The following GABBR2 variants were observed in gnomAD, a reference collection of about 807,000 sequenced individuals.
GABBR2 encodes the protein G-protein coupled receptor 51.
In GABBR2, 23 loss-of-function variants were observed where a neutral mutation model predicts 105.6. The ratio of observed to expected loss-of-function variants is 0.22; its 90% CI spans 0.16 to 0.31. GABBR2 has a LOEUF of 0.31. GABBR2 is among the 10% of genes least tolerant of loss of function. The pLI is 1.00. For missense variants in GABBR2, 734 were observed against 1,245.5 expected (o/e 0.59, Z 6.18); for synonymous variants, 478 against 499.7 (o/e 0.96, Z 0.58).
chr9:98,467,415 T>C (rs1033438404), intron 6 of GABBR2, among the ~76,000 whole-genome samples: 4 of 152,006 alleles, frequency 2.6e-5, no homozygotes, highest in African/African-American at 9.7e-5. Flanking sequence ...GTGTCATGAG[T>C]GCCTAGGGGA....
intron 2 of GABBR2, among the ~76,000 whole-genome samples, chr9:98,569,246 T>C (rs1828792092): frequency 6.6e-6 from 1 of 152,132 alleles, no homozygotes; most frequent in Admixed American, 6.5e-5. Flanking sequence ...TGGAAGGGTG[T>C]GGCAGTCACA....
chr9:98,403,293 CAA>C (rs546167489), intron 8 of GABBR2, among the ~76,000 whole-genome samples: 5,313 of 85,926 alleles, frequency 0.062, 145 homozygotes, highest in African/African-American at 0.17. Context: ...GACTCCGTCT[CAA>C]AAAAAAAAAA....
At chr9:98,582,607 T>A (rs1315296828) in intron 1 of GABBR2, among the ~76,000 whole-genome samples, 1 of 152,138 alleles carries the variant, frequency 6.6e-6, no homozygotes, top group Non-Finnish European at 1.5e-5. Context: ...TACACTCAGG[T>A]AAAATGTGAA....
At chr9:98,556,607 A>G (rs552289506) in intron 2 of GABBR2, among the ~76,000 whole-genome samples, 5 of 152,260 alleles carry the variant, frequency 3.3e-5, no homozygotes, top group Admixed American at 2.6e-4. Context: ...CCCGGAAGTG[A>G]GTGCCGCTGT....
chr9:98,334,508 G>T (rs1216977637), intron 13 of GABBR2, among the ~76,000 whole-genome samples: 2 of 152,182 alleles, frequency 1.3e-5, no homozygotes, highest in Non-Finnish European at 2.9e-5. Flanking sequence ...ATGTCAAGGT[G>T]CTTTGTGAAC....
intron 15 of GABBR2, among the ~76,000 whole-genome samples, chr9:98,305,126 A>C (rs1830531017): frequency 6.6e-6 from 1 of 151,768 alleles, no homozygotes; most frequent in African/African-American, 2.4e-5. Context: ...AACACAGATC[A>C]CCCTACTGCA....
intron 2 of GABBR2, among the ~76,000 whole-genome samples, chr9:98,559,601 A>G (rs1828636442): frequency 6.6e-6 from 1 of 152,150 alleles, no homozygotes. Flanking sequence ...GCTCTTTTAA[A>G]TCAAGTTCAT....
chr9:98,421,852 G>T (rs527779544), intron 7 of GABBR2, among the ~76,000 whole-genome samples: 1 of 152,172 alleles, frequency 6.6e-6, no homozygotes, highest in African/African-American at 2.4e-5. Context: ...CCAAGTAAAG[G>T]TTTAAATGAG....
chr9:98,574,412 C>G (rs997274003), intron 2 of GABBR2, among the ~76,000 whole-genome samples: 1 of 152,174 alleles, frequency 6.6e-6, no homozygotes, highest in Non-Finnish European at 1.5e-5. Flanking sequence ...TCAGGCAGCC[C>G]TATGGAGACC....
At chr9:98,337,688 G>C (rs746561437) in intron 13 of GABBR2, among the ~76,000 whole-genome samples, 2 of 152,178 alleles carry the variant, frequency 1.3e-5, no homozygotes, top group Non-Finnish European at 2.9e-5. Context: ...CACATCCATG[G>C]TCAGCTGATT....
At chr9:98,681,923 T>C (rs906301888) in intron 1 of GABBR2, among the ~76,000 whole-genome samples, 1 of 152,140 alleles carries the variant, frequency 6.6e-6, no homozygotes, top group African/African-American at 2.4e-5. Flanking sequence ...GTGAAGATGT[T>C]TAAAACCCCT....
chr9:98,301,630 A>C (rs1319552074), intron 16 of GABBR2, among the ~76,000 whole-genome samples: 1 of 152,228 alleles, frequency 6.6e-6, no homozygotes, highest in Non-Finnish European at 1.5e-5. Context: ...GGACAACAGG[A>C]GGCCAGATTG....
intron 7 of GABBR2, among the ~76,000 whole-genome samples, chr9:98,417,460 A>G (rs8181080): frequency 0.7 from 106,727 of 152,026 alleles, 38,355 homozygotes; most frequent in East Asian, 0.85. Context: ...CTATTTCTTT[A>G]CAATTAAACC....
chr9:98,434,292 G>A (rs1481698657), intron 7 of GABBR2, among the ~76,000 whole-genome samples: 1 of 152,070 alleles, frequency 6.6e-6, no homozygotes, highest in Non-Finnish European at 1.5e-5. Flanking sequence ...GATCATATGA[G>A]TCAATACTTC....
intron 1 of GABBR2, among the ~76,000 whole-genome samples, chr9:98,640,762 T>A (rs78788466): frequency 0.017 from 2,607 of 152,154 alleles, 78 homozygotes; most frequent in African/African-American, 0.059. Flanking sequence ...GTGTGGGCAG[T>A]AGTCAGGCTC....
At chr9:98,499,072 G>T (rs1827345505) in intron 3 of GABBR2, among the ~76,000 whole-genome samples, 1 of 152,212 alleles carries the variant, frequency 6.6e-6, no homozygotes, top group Non-Finnish European at 1.5e-5. Context: ...AGCTCATGGG[G>T]TTGACTCAAG....
intron 13 of GABBR2, among the ~76,000 whole-genome samples, chr9:98,321,865 T>C (rs908186214): frequency 6.6e-5 from 10 of 152,250 alleles, no homozygotes; most frequent in Admixed American, 5.2e-4. Context: ...GATTGCCTTC[T>C]CTCTTGCATG....
intron 3 of GABBR2, among the ~76,000 whole-genome samples, chr9:98,526,462 C>A (rs547280304): frequency 6.6e-6 from 1 of 152,186 alleles, no homozygotes; most frequent in African/African-American, 2.4e-5. Flanking sequence ...AGGTGGCTGC[C>A]CAAACATCAC....
At chr9:98,630,306 A>G (rs974213978) in intron 1 of GABBR2, among the ~76,000 whole-genome samples, 2 of 152,248 alleles carry the variant, frequency 1.3e-5, no homozygotes, top group South Asian at 2.1e-4. Context: ...TCACATCTGT[A>G]AAGTGGAGAT....
Sources: gnomAD v4.1 joint callset for allele counts (sites outside exome capture counted in the v4.1 genomes callset) on GRCh38, gnomAD v4.1.1 for gene constraint, MANE v1.5 for transcripts, NCBI Gene and HGNC (gene_info 2026-07-23, HGNC 2026-07-21) for gene names.